Variants in DAB1 observed in about 807,000 individuals in gnomAD.
DAB1 encodes DAB adaptor protein 1, also known as disabled homolog 1.
In DAB1, 15 loss-of-function variants were observed where a neutral mutation model predicts 64.6. That is an observed-to-expected ratio of 0.23 (90% CI 0.16 to 0.36). DAB1 has a LOEUF of 0.36. DAB1 is among the 10% of genes least tolerant of loss of function. The pLI is 1.00. For synonymous variants in DAB1, 235 were observed against 251.9 expected (o/e 0.93, Z 0.64); for missense variants, 596 against 706.7 (o/e 0.84, Z 1.78).
intron 3 of DAB1, among the ~76,000 whole-genome samples, chr1:58,498,792 T>C (rs948518160): frequency 6.6e-6 from 1 of 151,656 alleles, no homozygotes; most frequent in East Asian, 1.9e-4. Context: ...CATGATTTCA[T>C]CTTTTAAAAA....
chr1:58,333,029 C>T (rs1663010886), intron 4 of DAB1, among the ~76,000 whole-genome samples: 1 of 152,192 alleles, frequency 6.6e-6, no homozygotes, highest in African/African-American at 2.4e-5. Flanking sequence ...CCTGCCTCAA[C>T]CTCCCAAATA....
rs562689089 is a variant in DAB1 at position 57,238,827 on chromosome 1, G to T, written c.67+52137C>A. Among the ~76,000 whole-genome samples, 3 of 145,544 alleles carry T rather than the reference G, an allele frequency of 2.1e-5. No individual in the cohort carries two copies. The Admixed American group carries it at 2.1e-4, about 10-fold the overall frequency. Reference sequence around the variant, plus strand: ...AATACACACATACACACACTGGCAGGCGTGTGCACATGCGCACACACACAC... The same window carrying T: ...AATACACACATACACACACTGGCAGTCGTGTGCACATGCGCACACACACAC... On this transcript the variant is annotated intron_variant, in intron 2 of 14. Coordinates refer to ENST00000371236, the MANE Select transcript of DAB1 (RefSeq NM_001365792.1).
At chr1:58,440,627 T>A (rs549333639) in intron 3 of DAB1, among the ~76,000 whole-genome samples, 1 of 152,330 alleles carries the variant, frequency 6.6e-6, no homozygotes, top group South Asian at 2.1e-4. Context: ...ATGGACTTAA[T>A]GAGATAATGA....
At chr1:57,357,007 C>A (rs1679163408) in intron 1 of DAB1, among the ~76,000 whole-genome samples, 1 of 152,000 alleles carries the variant, frequency 6.6e-6, no homozygotes, top group South Asian at 2.1e-4. Flanking sequence ...TGACCCTATC[C>A]TATAGGGTCA....
chr1:57,536,351 G>A (rs576682486), intron 7 of DAB1, among the ~76,000 whole-genome samples: 6 of 152,290 alleles, frequency 3.9e-5, no homozygotes, highest in African/African-American at 1.4e-4. Flanking sequence ...TTGACAGATG[G>A]GATCATTCGA....
At chr1:58,396,006 A>G (rs535140985) in intron 3 of DAB1, among the ~76,000 whole-genome samples, 79 of 151,968 alleles carry the variant, frequency 5.2e-4, no homozygotes, top group Admixed American at 5.1e-3. Context: ...AGCTAGAGAA[A>G]CCCTGATTGT....
intron 3 of DAB1, among the ~76,000 whole-genome samples, chr1:58,493,331 G>A (rs556160259): frequency 1.3e-5 from 2 of 152,256 alleles, no homozygotes; most frequent in South Asian, 2.1e-4. Context: ...GCAAAAATTG[G>A]AAGCATTCCC....
chr1:57,481,445 C>A (rs1168872079), intron 7 of DAB1, among the ~76,000 whole-genome samples: 1 of 152,106 alleles, frequency 6.6e-6, no homozygotes, highest in Non-Finnish European at 1.5e-5. Flanking sequence ...AACCTCAGAC[C>A]CTAAACTGTA....
intron 5 of DAB1, among the ~76,000 whole-genome samples, chr1:57,911,742 T>C (rs1557551325): frequency 6.6e-6 from 1 of 152,214 alleles, no homozygotes; most frequent in Non-Finnish European, 1.5e-5. Context: ...TAGTCCCTTC[T>C]CGCTGATTCC....
At chr1:57,190,299 C>A (rs1247308238) in intron 2 of DAB1, among the ~76,000 whole-genome samples, 1 of 152,172 alleles carries the variant, frequency 6.6e-6, no homozygotes, top group African/African-American at 2.4e-5. Flanking sequence ...AGGGAAGAAG[C>A]CAGCATCAGC....
chr1:57,168,562 A>G (rs1661423077), intron 2 of DAB1, among the ~76,000 whole-genome samples: 1 of 151,994 alleles, frequency 6.6e-6, no homozygotes, highest in East Asian at 1.9e-4. Context: ...CTGCCAGGTC[A>G]CCTCTGTACC....
chr1:58,086,938 C>T (rs1650354880), intron 5 of DAB1, among the ~76,000 whole-genome samples: 1 of 152,066 alleles, frequency 6.6e-6, no homozygotes, highest in South Asian at 2.1e-4. Context: ...CAGATACTTC[C>T]ATAATATGCT....
At chr1:57,421,541 C>T (rs1056336158) in intron 1 of DAB1, among the ~76,000 whole-genome samples, 8 of 152,150 alleles carry the variant, frequency 5.3e-5, no homozygotes, top group Non-Finnish European at 7.4e-5. Flanking sequence ...TTGCACTTCC[C>T]ACTTCGGCCT....
intron 7 of DAB1, among the ~76,000 whole-genome samples, chr1:57,483,422 CTT>C (rs975203788): frequency 3.3e-5 from 5 of 152,280 alleles, no homozygotes; most frequent in African/African-American, 9.6e-5. Flanking sequence ...CTCATTCTCT[CTT>C]GTCTGCTGCC....
intron 7 of DAB1, among the ~76,000 whole-genome samples, chr1:57,519,717 T>C (rs1644504152): frequency 6.6e-6 from 1 of 152,156 alleles, no homozygotes; most frequent in African/African-American, 2.4e-5. Flanking sequence ...TTTGGGAAAA[T>C]TGCCTGAATC....
At chr1:58,421,921 C>G (rs749684425) in intron 3 of DAB1, among the ~76,000 whole-genome samples, 2 of 152,064 alleles carry the variant, frequency 1.3e-5, no homozygotes, top group African/African-American at 4.8e-5. Flanking sequence ...CAGCCACTTA[C>G]TAGGCACATG....
intron 3 of DAB1, among the ~76,000 whole-genome samples, chr1:58,422,228 C>G (rs79321066): frequency 0.013 from 2,013 of 151,164 alleles, 55 homozygotes; most frequent in African/African-American, 0.046. Flanking sequence ...AGGGTTGTCA[C>G]GAGAATTGAA....
chr1:57,790,030 A>G (rs1297147267), intron 6 of DAB1, among the ~76,000 whole-genome samples: 2 of 152,114 alleles, frequency 1.3e-5, no homozygotes, highest in African/African-American at 4.8e-5. Flanking sequence ...AACGGACCAT[A>G]AGAGGGAAAG....
At chr1:58,526,208 T>C (rs1646347506) in intron 2 of DAB1, among the ~76,000 whole-genome samples, 1 of 152,102 alleles carries the variant, frequency 6.6e-6, no homozygotes, top group Admixed American at 6.5e-5. Context: ...GGCCCCCTTA[T>C]GTGGGAACTT....
Sources: gnomAD v4.1 joint callset for allele counts (sites outside exome capture counted in the v4.1 genomes callset) on GRCh38, gnomAD v4.1.1 for gene constraint, MANE v1.5 for transcripts, NCBI Gene and HGNC (gene_info 2026-07-23, HGNC 2026-07-21) for gene names.